The following CNNM2 variants were observed in gnomAD, a reference collection of about 807,000 sequenced individuals.
The protein encoded by CNNM2 is metal transporter CNNM2.
CNNM2 carries 12 observed loss-of-function variants against 66.9 expected under a neutral mutation model. The ratio of observed to expected loss-of-function variants is 0.18; its 90% confidence interval spans 0.11 to 0.29. CNNM2 has a LOEUF of 0.29. Among genes scored for constraint, CNNM2 ranks in the 10% least tolerant of loss-of-function variants. The probability of loss-of-function intolerance (pLI) is 1.00; values close to 1 mark genes in which losing one functional copy is unlikely to be tolerated. For missense variants in CNNM2, 705 were observed against 1,167.7 expected (o/e 0.60, Z 5.77); for synonymous variants, 557 against 501.8 (o/e 1.11, Z -1.47).
intron 1 of CNNM2, among the ~76,000 whole-genome samples, chr10:102,962,858 A>G (rs2063404260): frequency 6.6e-6 from 1 of 152,192 alleles, no homozygotes; most frequent in Non-Finnish European, 1.5e-5. Flanking sequence ...CTATAATCAG[A>G]AAGAAGTGAA....
At chr10:102,960,383 C>A (rs1013119383) in intron 1 of CNNM2, among the ~76,000 whole-genome samples, 1 of 152,074 alleles carries the variant, frequency 6.6e-6, no homozygotes, top group Non-Finnish European at 1.5e-5. Flanking sequence ...TTTGTCATTA[C>A]GTTAATGTTA....
chr10:103,050,030 A>T (rs1486172022), intron 2 of CNNM2, among the ~76,000 whole-genome samples, 180 bp downstream of exon 2: 2 of 152,204 alleles, frequency 1.3e-5, no homozygotes, highest in Admixed American at 6.5e-5. Flanking sequence ...AGACCCTGTA[A>T]TGTCAAGCGA....
chr10:102,948,210 A>G (rs1846691426), intron 1 of CNNM2, among the ~76,000 whole-genome samples: 1 of 152,134 alleles, frequency 6.6e-6, no homozygotes, highest in East Asian at 1.9e-4. Flanking sequence ...TGGTGCTGAC[A>G]GTTTGGTGGG....
At chr10:102,977,257 T>C (rs965618465) in intron 1 of CNNM2, among the ~76,000 whole-genome samples, 1 of 152,152 alleles carries the variant, frequency 6.6e-6, no homozygotes, top group Admixed American at 6.5e-5. Flanking sequence ...TGGATTTTTT[T>C]TTAAAGGTTT....
intron 1 of CNNM2, among the ~76,000 whole-genome samples, chr10:102,993,808 C>A (rs895750498): frequency 6.6e-6 from 1 of 152,118 alleles, no homozygotes; most frequent in Non-Finnish European, 1.5e-5. Flanking sequence ...CCTTCCTTCC[C>A]AGAGCCTCAG....
intron 2 of CNNM2, among the ~76,000 whole-genome samples, chr10:103,051,904 TGGA>T (rs1486836752): frequency 6.6e-6 from 1 of 152,172 alleles, no homozygotes; most frequent in African/African-American, 2.4e-5. Flanking sequence ...TTTCCTCACT[TGGA>T]GGGTCGTCAG....
chr10:102,947,745 ACT>A (rs1846669909), intron 1 of CNNM2, among the ~76,000 whole-genome samples: 1 of 151,146 alleles, frequency 6.6e-6, no homozygotes. Flanking sequence ...ACAGACTGAG[ACT>A]CTGTCTCAAA....
chr10:102,986,347 G>A lies in CNNM2; in HGVS notation c.1622-63360G>A, dbSNP rs555810212. On this transcript the variant is annotated intron_variant, in intron 1 of 7. Transcript: ENST00000369878. The stretch of plus-strand genomic sequence containing the variant: ...CGGCTCACTGCAACCTCTGCCTCCC[G>A]GGTTCAAGTGATTCTCCCGAGTATG... Among the ~76,000 whole-genome samples the A allele has an allele frequency of 7.3e-5, 11 of 151,658 alleles. No individual in the cohort carries two copies. In the East Asian group the frequency reaches 2.0e-3, roughly 27 times the overall value.
intron 1 of CNNM2, among the ~76,000 whole-genome samples, chr10:102,991,965 G>GT (rs1386377170): frequency 6.6e-6 from 1 of 151,994 alleles, no homozygotes; most frequent in Admixed American, 6.6e-5. Context: ...TTACATTAAA[G>GT]TTTTTTAGAG....
chr10:103,050,600 T>G (rs541768991), intron 2 of CNNM2, among the ~76,000 whole-genome samples: 8 of 151,910 alleles, frequency 5.3e-5, no homozygotes, highest in African/African-American at 1.4e-4. Flanking sequence ...TTATACTTCC[T>G]TGTTCCAGAA....
In CNNM2 at chr10:103,083,497, G is replaced by GGT. The variant is rs1411517213; in HGVS notation, c.*6319_*6320dup. 4 of 152,248 alleles carry GGT rather than the reference G, an allele frequency of 2.6e-5. No individual in the cohort carries two copies. The highest frequency in any genetic ancestry group is 9.7e-5 in the African/African-American group (4 of 41,442). 9.4% of individuals were successfully genotyped at this position (152,248 alleles called of 1,614,324 possible). ...CCCTACCCACTTGCCTGGCTTTGCT[G>GGT]GTGGGAAAGCTGGGACTGGATCTCA... is the stretch of plus-strand genomic sequence containing the variant. On this transcript the variant is annotated 3_prime_UTR_variant, in exon 8 of 8. Coordinates refer to ENST00000369878, the MANE Select transcript of CNNM2 (RefSeq NM_017649.5).
intron 1 of CNNM2, among the ~76,000 whole-genome samples, chr10:103,028,961 T>C (rs2064767873): frequency 6.7e-6 from 1 of 149,540 alleles, no homozygotes; most frequent in South Asian, 2.1e-4. Flanking sequence ...TAGCTGGCAT[T>C]ATAGGCGTGT....
At chr10:103,041,751 T>C (rs554780768) in intron 1 of CNNM2, among the ~76,000 whole-genome samples, 6 of 152,388 alleles carry the variant, frequency 3.9e-5, no homozygotes, top group African/African-American at 1.2e-4. Flanking sequence ...TTTTTGTTTT[T>C]GAATGTGGCT....
chr10:102,992,273 C>CTTTTTTTTTTTTTTTTTTTTTTTTTT (rs35281835), intron 1 of CNNM2, among the ~76,000 whole-genome samples: 1 of 108,496 alleles, frequency 9.2e-6, no homozygotes, highest in African/African-American at 3.4e-5. Context: ...CTCCAAGTTC[C>CTTTTTTTTTTTTTTTTTTTTTTTTTT]TTTTTTTTTT....
At chr10:102,963,882 G>A (rs1174469928) in intron 1 of CNNM2, among the ~76,000 whole-genome samples, 1 of 152,154 alleles carries the variant, frequency 6.6e-6, no homozygotes, top group Non-Finnish European at 1.5e-5. Flanking sequence ...AAATTCAGAG[G>A]AGCAGTTATT....
rs267602348 is a variant in CNNM2 at position 103,089,720 on chromosome 10, G to A, written c.*12540G>A. ...CTTCATCATCATCTTCGTCATGGCA[G>A]TGTGTAATTTCCTGGGGGGCCAGTG... On this transcript the variant is annotated 3_prime_UTR_variant, in exon 8 of 8. Coordinates refer to ENST00000369878, the MANE Select transcript of CNNM2 (RefSeq NM_017649.5). The A allele has an allele frequency of 1.7e-5, 27 of 1,613,282 alleles. No individual in the cohort carries two copies. Among genetic ancestry groups the A allele is most frequent in the Non-Finnish European group, 2.3e-5 (27 of 1,179,688 alleles).
intron 5 of CNNM2, 85 bp from the exon 6 acceptor site, chr10:103,071,689 A>C: frequency 9.8e-7 from 1 of 1,025,324 alleles, no homozygotes; most frequent in Non-Finnish European, 1.6e-6. Flanking sequence ...TTGATAGAAC[A>C]AGTATCCCCT....
intron 3 of CNNM2, among the ~76,000 whole-genome samples, chr10:103,056,254 TTAC>T (rs1254233892): frequency 6.6e-6 from 1 of 152,184 alleles, no homozygotes; most frequent in East Asian, 1.9e-4. Context: ...CTTTTGAACA[TTAC>T]TTTTTTTTTT....
chr10:103,038,560 G>A (rs936103477), intron 1 of CNNM2, among the ~76,000 whole-genome samples: 2 of 152,188 alleles, frequency 1.3e-5, no homozygotes, highest in African/African-American at 4.8e-5. Flanking sequence ...TCCTGTCCAG[G>A]AGAGGGCCCT....
Sources: gnomAD v4.1 joint callset for allele counts (sites outside exome capture counted in the v4.1 genomes callset) on GRCh38, gnomAD v4.1.1 for gene constraint, MANE v1.5 for transcripts, NCBI Gene and HGNC (gene_info 2026-07-23, HGNC 2026-07-21) for gene names.